The following TOM1L2 variants were observed in gnomAD, a reference collection of about 807,000 sequenced individuals.
TOM1L2 encodes the protein target of myb1 like 2 membrane trafficking protein, also known as TOM1-like protein 2.
In TOM1L2, 31 loss-of-function variants were observed where a neutral mutation model predicts 67.9. The observed-to-expected ratio is 0.46, with a 90% CI of 0.34 to 0.62. The LOEUF (loss-of-function observed/expected upper bound fraction) is 0.62. TOM1L2 is among the 20% of genes least tolerant of loss of function. The pLI, the probability that TOM1L2 is intolerant of heterozygous loss-of-function variation, is 0.01. For missense variants in TOM1L2, 606 were observed against 663.5 expected (o/e 0.91, Z 0.95); for synonymous variants, 256 against 254.0 (o/e 1.01, Z -0.07).
intron 1 of TOM1L2, among the ~76,000 whole-genome samples, chr17:17,970,472 C>T (rs374243061): frequency 3.3e-5 from 5 of 152,246 alleles, no homozygotes; most frequent in African/African-American, 1.2e-4. Flanking sequence ...AAACAATTCT[C>T]GCAAGTTTTC....
At chr17:17,852,351 G>A (rs893490577) in intron 12 of TOM1L2, among the ~76,000 whole-genome samples, 6 of 152,204 alleles carry the variant, frequency 3.9e-5, no homozygotes, top group East Asian at 1.9e-4. Context: ...CCCAGGTAGA[G>A]TCCAGCACTC....
Position 17,958,570 on chromosome 17 carries a change from T to C in TOM1L2, c.52+13692A>G, listed in dbSNP as rs75118126. Reference sequence around the variant, plus strand: ...CCCATGCTTACCCTCCCTGCCCATATACAAATATCTAAATGACTGGCAAGA... The same window carrying C: ...CCCATGCTTACCCTCCCTGCCCATACACAAATATCTAAATGACTGGCAAGA... On this transcript the variant is annotated intron_variant, in intron 1 of 14. Transcript: ENST00000379504. Among the ~76,000 whole-genome samples, 970 of 152,230 alleles carry C rather than the reference T, an allele frequency of 6.4e-3. 12 individuals are homozygous for C. Among genetic ancestry groups the C allele is most frequent in the East Asian group, 0.057 (298 of 5,190 alleles).
chr17:17,926,675 T>C (rs2040097464), intron 1 of TOM1L2, among the ~76,000 whole-genome samples: 1 of 151,942 alleles, frequency 6.6e-6, no homozygotes, highest in Admixed American at 6.6e-5. Flanking sequence ...CCAGCCAACA[T>C]GGTGAAACTC....
chr17:17,893,636 A>T, intron 4 of TOM1L2, 25 bp downstream of exon 4: 1 of 1,608,068 alleles, frequency 6.2e-7, no homozygotes, highest in Non-Finnish European at 8.5e-7. Flanking sequence ...CTGTTCCAAC[A>T]AATTGGGCAA....
At chr17:17,912,191 T>C (rs2039392213) in intron 1 of TOM1L2, among the ~76,000 whole-genome samples, 1 of 151,202 alleles carries the variant, frequency 6.6e-6, no homozygotes, top group Non-Finnish European at 1.5e-5. Flanking sequence ...GACGGGGTGG[T>C]GGCCGGGCAG....
chr17:17,878,228 C>T (rs921873260), intron 7 of TOM1L2, among the ~76,000 whole-genome samples: 5 of 152,244 alleles, frequency 3.3e-5, no homozygotes, highest in African/African-American at 1.2e-4. Context: ...GCTGGATCTG[C>T]TGAGCTGAGG....
At chr17:17,956,140 C>A (rs778610154) in intron 1 of TOM1L2, among the ~76,000 whole-genome samples, 1 of 152,234 alleles carries the variant, frequency 6.6e-6, no homozygotes, top group African/African-American at 2.4e-5. Flanking sequence ...ACTACTGCCT[C>A]TGGCCCCACC....
At chr17:17,880,440 C>T (rs77453338) in intron 6 of TOM1L2, among the ~76,000 whole-genome samples, 3,782 of 152,330 alleles carry the variant, frequency 0.025, 133 homozygotes, top group African/African-American at 0.08. Context: ...AGACATCATA[C>T]ACTTTCTCCC....
At chr17:17,847,847 C>T in intron 14 of TOM1L2, 64 bp from the exon 15 acceptor site, 9 of 1,606,470 alleles carry the variant, frequency 5.6e-6, no homozygotes, top group Non-Finnish European at 7.7e-6. Flanking sequence ...GAAGCGCACC[C>T]TTCCACTCCC....
chr17:17,947,450 A>G (rs1409190693), intron 1 of TOM1L2, among the ~76,000 whole-genome samples: 1 of 152,194 alleles, frequency 6.6e-6, no homozygotes, highest in African/African-American at 2.4e-5. Context: ...GTCTTTAAAG[A>G]AGTGATTAAG....
intron 1 of TOM1L2, among the ~76,000 whole-genome samples, chr17:17,933,491 T>C (rs1466262167): frequency 6.6e-6 from 1 of 152,070 alleles, no homozygotes; most frequent in East Asian, 1.9e-4. Context: ...CTACTGCAAT[T>C]ACAGATGAGG....
Position 17,918,256 on chromosome 17 carries a change from T to C in TOM1L2, c.53-10725A>G, listed in dbSNP as rs187889153. On this transcript the variant is annotated intron_variant, in intron 1 of 14. Transcript: ENST00000379504. ...ATTCGCTCTAGCAGTTTTTCTTTTT[T>C]TTTTTGTTTTGTGGTATCTTCAAGG... 3.1e-3 allele frequency among the ~76,000 whole-genome samples: 468 copies of C among 152,240 alleles called. 4 individuals carry two copies. The highest frequency in any genetic ancestry group is 0.011 in the African/African-American group (439 of 41,568).
chr17:17,862,900 G>T, intron 10 of TOM1L2, 52 bp from the exon 11 acceptor site: 1 of 1,272,712 alleles, frequency 7.9e-7, no homozygotes, highest in South Asian at 1.2e-5. Context: ...GTAGACTGTA[G>T]ATCTGATGAA....
rs2042150801 is a variant in TOM1L2, at chr17:17,972,393, T to C, written c.-80A>G. The C allele has an allele frequency of 1.0e-5, 16 of 1,529,374 alleles. No individual in the cohort carries two copies. The highest frequency in any genetic ancestry group is 1.4e-5 in the African/African-American group (1 of 72,434). The allele number at this position is 1,529,374 out of a possible 1,614,324, so 94.7% of individuals were successfully genotyped here. On this transcript the variant is annotated 5_prime_UTR_variant, in exon 1 of 15. Transcript: ENST00000379504. The stretch of plus-strand genomic sequence containing the variant: ...GCTGTAACCCGCCGGACTCCCGTCC[T>C]GACTGACACTTGCCCCCTCCCCACT...
intron 1 of TOM1L2, among the ~76,000 whole-genome samples, chr17:17,955,245 T>C (rs2041381098): frequency 6.6e-6 from 1 of 151,526 alleles, no homozygotes; most frequent in African/African-American, 2.4e-5. Context: ...GCAGACAATA[T>C]GGTGGTCACC....
In TOM1L2 at chr17:17,866,344, C is replaced by T. The variant is rs749992298; in HGVS notation, c.1036G>A (p.Gly346Arg). Residue 346 changes from glycine to arginine, a missense_variant, in exon 10 of 15, where the codon GGG becomes AGG. By Grantham distance (125) the Gly-to-Arg change is moderately radical. Transcript: ENST00000379504. ...AGGGAAGATGGGGGCGCTGTGTTCC[C>T]CACCATTGGGCTCACCACGGCTGGA... ...GSPAVVSPMV[G>R]NTAPPSSLSS... The T allele has an allele frequency of 1.2e-6, 2 of 1,612,048 alleles. No individual in the cohort carries two copies. Among genetic ancestry groups the T allele is most frequent in the East Asian group, 2.2e-5 (1 of 44,838 alleles).
intron 7 of TOM1L2, among the ~76,000 whole-genome samples, chr17:17,877,623 C>A (rs964527954): frequency 5.9e-5 from 9 of 152,150 alleles, no homozygotes; most frequent in African/African-American, 2.2e-4. Flanking sequence ...CCAGCCAGGA[C>A]GGCTGTGTCT....
intron 1 of TOM1L2, among the ~76,000 whole-genome samples, chr17:17,913,062 C>G (rs1448046220): frequency 6.6e-6 from 1 of 151,756 alleles, no homozygotes; most frequent in Non-Finnish European, 1.5e-5. Context: ...CAGCGGGTGC[C>G]TGCAATCGCA....
In TOM1L2 at chr17:17,940,195, A is replaced by C. The variant is rs1003793637; in HGVS notation, c.52+32067T>G. ...GCGACAGAGCAAGACTCTATCTCAA[A>C]AAAAAAAAAAAAAAAAAAAAAAAGG... On this transcript the variant is annotated intron_variant, in intron 1 of 14. Coordinates refer to ENST00000379504, the MANE Select transcript of TOM1L2 (RefSeq NM_001082968.2). 1.5e-4 allele frequency among the ~76,000 whole-genome samples: 21 copies of C among 143,318 alleles called. No individual in the cohort carries two copies. The South Asian group carries it at 4.3e-3, about 29-fold the overall frequency. 94.0% of individuals were successfully genotyped at this position (143,318 alleles called of 152,430 possible).
Sources: allele counts gnomAD v4.1 joint callset (sites outside exome capture counted in the v4.1 genomes callset), GRCh38; gene constraint gnomAD v4.1.1; transcripts MANE v1.5; gene names NCBI Gene and HGNC (gene_info 2026-07-23, HGNC 2026-07-21).